Variants in TNRC6B observed in about 807,000 individuals in gnomAD.
The protein encoded by TNRC6B is trinucleotide repeat-containing gene 6B protein.
Under a neutral mutation model 203.6 loss-of-function variants are expected in TNRC6B, and 52 were observed. The observed-to-expected ratio is 0.26, with a 90% CI of 0.20 to 0.32. The LOEUF is 0.32. TNRC6B is among the 10% of genes least tolerant of loss of function. The pLI is 1.00. For synonymous variants in TNRC6B, 838 were observed against 845.7 expected, an observed-to-expected ratio of 0.99 and a Z score of 0.16; for missense variants, 1,923 against 2,286.2, an observed-to-expected ratio of 0.84 and a Z score of 3.24.
chr22:40,187,832 G>T (rs976552555), intron 1 of TNRC6B, among the ~76,000 whole-genome samples: 2 of 152,182 alleles, frequency 1.3e-5, no homozygotes, highest in Non-Finnish European at 2.9e-5. Context: ...ATAAAAAGCA[G>T]GTTCAAAGAT....
At chr22:40,253,922 A>T (rs1229846135) in intron 3 of TNRC6B, among the ~76,000 whole-genome samples, 1 of 152,142 alleles carries the variant, frequency 6.6e-6, no homozygotes, top group African/African-American at 2.4e-5. Flanking sequence ...GAATCTACCC[A>T]TCTTTCCCCA....
At chr22:40,127,036 T>G (rs1270672557) in intron 3 of TNRC6B, among the ~76,000 whole-genome samples, 1 of 148,998 alleles carries the variant, frequency 6.7e-6, no homozygotes, top group Admixed American at 6.7e-5. Flanking sequence ...AAAATAAATA[T>G]ATATTAATCC....
intron 4 of TNRC6B, among the ~76,000 whole-genome samples, chr22:40,162,145 G>A (rs776025720): frequency 6.6e-6 from 1 of 152,244 alleles, no homozygotes; most frequent in African/African-American, 2.4e-5. Flanking sequence ...TGCCCAAACT[G>A]GAGTGCAATG....
chr22:40,177,584 G>A (rs1259475377), upstream of TNRC6B, among the ~76,000 whole-genome samples: 1 of 152,186 alleles, frequency 6.6e-6, no homozygotes, highest in East Asian at 1.9e-4. Context: ...CAGTTTGCCA[G>A]CCTGTGCTTG....
rs946500554 is a variant in TNRC6B, at chr22:40,147,596, C to T, written c.46-8519C>T. ...TGGCAAAAGGTGGAAGGGCAAAAAG[C>T]GACAGTGCGTCCCTGACAAGCCCTT... is the stretch of plus-strand genomic sequence containing the variant. On this transcript the variant is annotated intron_variant, in intron 3 of 23. Transcript: ENST00000301923. Among the ~76,000 whole-genome samples the T allele has an allele frequency of 5.3e-5, 8 of 152,268 alleles. No individual in the cohort carries two copies. In the South Asian group the frequency reaches 6.2e-4, roughly 12 times the overall value.
At chr22:40,079,409 T>C (rs571127433) in intron 1 of TNRC6B, among the ~76,000 whole-genome samples, 3 of 152,266 alleles carry the variant, frequency 2.0e-5, no homozygotes, top group Admixed American at 6.5e-5. Context: ...ATGACCTGAA[T>C]GTTGGTAAGC....
intron 22 of TNRC6B, 53 bp downstream of exon 22, chr22:40,321,282 G>C (rs765521625): frequency 1.3e-6 from 2 of 1,588,950 alleles, no homozygotes; most frequent in South Asian, 1.1e-5. Context: ...AGATGCACCC[G>C]TGAGTATTCT....
intron 1 of TNRC6B, among the ~76,000 whole-genome samples, chr22:40,074,398 A>G (rs1407535545): frequency 6.6e-6 from 1 of 151,920 alleles, no homozygotes; most frequent in Non-Finnish European, 1.5e-5. Flanking sequence ...TAATCTCAGC[A>G]CTTTCGGGAG....
At chr22:40,278,793 G>A (rs1013470769) in intron 9 of TNRC6B, among the ~76,000 whole-genome samples, 1 of 152,230 alleles carries the variant, frequency 6.6e-6, no homozygotes, top group Non-Finnish European at 1.5e-5. Context: ...TGGCTGGAGT[G>A]CAGCAGCTTG....
At chr22:40,089,534 TAA>T (rs933091877) in intron 1 of TNRC6B, among the ~76,000 whole-genome samples, 2 of 152,142 alleles carry the variant, frequency 1.3e-5, no homozygotes, top group Non-Finnish European at 2.9e-5. Context: ...CGCCCAGCGT[TAA>T]GACTTTTTTT....
At chr22:40,096,281 G>A (rs1319024019) in intron 1 of TNRC6B, among the ~76,000 whole-genome samples, 1 of 152,196 alleles carries the variant, frequency 6.6e-6, no homozygotes, top group Non-Finnish European at 1.5e-5. Flanking sequence ...ACAGCTTAGA[G>A]TAAAGCACAG....
intron 1 of TNRC6B, among the ~76,000 whole-genome samples, chr22:40,241,308 A>G (rs532854725): frequency 2.6e-5 from 4 of 152,360 alleles, no homozygotes; most frequent in Admixed American, 1.3e-4. Context: ...AAACCACAAT[A>G]TAACCATCAA....
At chr22:40,160,764 A>G (rs2068865241) in intron 4 of TNRC6B, among the ~76,000 whole-genome samples, 1 of 151,866 alleles carries the variant, frequency 6.6e-6, no homozygotes, top group Non-Finnish European at 1.5e-5. Context: ...GGGCCTCACT[A>G]TGTTGCCGAG....
chr22:40,156,180 A>G, exon 4 of TNRC6B: 1 of 1,567,316 alleles, frequency 6.4e-7, no homozygotes, highest in Non-Finnish European at 8.7e-7. Flanking sequence ...AAGAAAGCAA[A>G]CAGTGAGTCA....
At chr22:40,245,409 A>G (rs1359298000) in intron 1 of TNRC6B, among the ~76,000 whole-genome samples, 2 of 152,164 alleles carry the variant, frequency 1.3e-5, no homozygotes, top group Non-Finnish European at 2.9e-5. Context: ...ATTGATTTAT[A>G]GGACACTCAG....
At chr22:40,144,074 T>C (rs1038624002) in intron 3 of TNRC6B, among the ~76,000 whole-genome samples, 1 of 152,188 alleles carries the variant, frequency 6.6e-6, no homozygotes, top group Non-Finnish European at 1.5e-5. Context: ...ATACCAGGTG[T>C]TGGCAAGAAT....
intron 3 of TNRC6B, among the ~76,000 whole-genome samples, chr22:40,152,205 T>C (rs1386967426): frequency 1.3e-5 from 2 of 152,232 alleles, no homozygotes; most frequent in Non-Finnish European, 2.9e-5. Flanking sequence ...AGAAGACACA[T>C]GCAATACACT....
rs114878557 is a variant in TNRC6B at position 40,122,729 on chromosome 22, C to T, written c.-46-3043C>T. ...AAGGGAAATGGAGATCACTGGGGAT[C>T]GGACCCTGAAAGAATAAGAATTCAG... On this transcript the variant is annotated intron_variant, in intron 2 of 23. Coordinates refer to the TNRC6B transcript ENST00000301923. Among the ~76,000 whole-genome samples, 1,187 of 152,244 alleles carry T rather than the reference C, an allele frequency of 7.8e-3. 10 individuals carry two copies. The highest frequency in any genetic ancestry group is 0.026 in the African/African-American group (1,087 of 41,528).
chr22:40,202,626 A>G (rs1184648459), intron 1 of TNRC6B, among the ~76,000 whole-genome samples: 2 of 152,118 alleles, frequency 1.3e-5, no homozygotes, highest in East Asian at 1.9e-4. Context: ...CATAGCCCAC[A>G]GTGTTGGATC....
Sources: allele counts gnomAD v4.1 joint callset (sites outside exome capture counted in the v4.1 genomes callset), GRCh38; gene constraint gnomAD v4.1.1; transcripts MANE v1.5; gene names NCBI Gene and HGNC (gene_info 2026-07-23, HGNC 2026-07-21).